Variants in MYRF observed in about 807,000 individuals in gnomAD.
MYRF encodes myelin regulatory factor.
Under a neutral mutation model 126.3 loss-of-function variants are expected in MYRF, and 16 were observed. The observed-to-expected ratio is 0.13, with a 90% CI of 0.09 to 0.19. The LOEUF (loss-of-function observed/expected upper bound fraction) is 0.19. Ranked by LOEUF, MYRF falls within the 10% of genes least tolerant of loss-of-function variation. The probability of loss-of-function intolerance (pLI) is 1.00; values close to 1 mark genes in which losing one functional copy is unlikely to be tolerated. For missense variants in MYRF, 1,104 were observed against 1,547.0 expected (o/e 0.71, Z 4.80); for synonymous variants, 608 against 635.3 (o/e 0.96, Z 0.65).
chr11:61,775,000 C>T (rs1373271787), intron 8 of MYRF, among the ~76,000 whole-genome samples: 2 of 152,188 alleles, frequency 1.3e-5, no homozygotes, highest in East Asian at 1.9e-4. Context: ...TTACCTGAGC[C>T]GCAAATCTGG....
chr11:61,767,443 G>C (rs1251834885), intron 3 of MYRF: 3 of 456,544 alleles, frequency 6.6e-6, no homozygotes, highest in Non-Finnish European at 8.8e-6. Context: ...GAGAGGGAAA[G>C]GGGCTTGTCC....
At position 61,757,159 on chromosome 11, in the gene MYRF, G is replaced by A; in HGVS notation, c.46+4369G>A. 2.2e-6 allele frequency: 1 copy of A among 456,920 alleles called. No individual in the cohort carries two copies. The highest frequency in any genetic ancestry group is 1.5e-5 in the South Asian group (1 of 64,554). The allele number at this position is 456,920 out of a possible 1,614,324, so 28.3% of individuals were successfully genotyped here. A position where few individuals can be genotyped will look rare whatever the true frequency, so the allele number is the denominator to read the frequency against. On this transcript the variant is annotated intron_variant, in intron 1 of 26. Coordinates refer to ENST00000278836, the MANE Select transcript of MYRF (RefSeq NM_001127392.3). This position sits in a 1 kb window ranked among gnomAD's most constrained non-coding sequence, Gnocchi z 4.7. ...CTCATTGCCTTGGGTGCTGGAGTAT[G>A]TGGGGCCTCCTCTCCTATCTCCAGG...
In MYRF at chr11:61,783,377, A is replaced by G; in HGVS notation, c.3017-121A>G. ...GATGCTGGCCATTGTGGAGGTCTGG[A>G]AAAAAATAACCTGGAACTTATTCAT... is the stretch of plus-strand genomic sequence containing the variant. On this transcript the variant is annotated intron_variant, in intron 22 of 26. Transcript: ENST00000278836. The surrounding 1 kb of genome is among the most constrained non-coding windows in gnomAD (Gnocchi z 4.6). 2.6e-6 allele frequency: 2 copies of G among 768,584 alleles called. No individual in the cohort carries two copies. The highest frequency in any genetic ancestry group is 4.4e-6 in the Non-Finnish European group (2 of 450,570). The allele number at this position is 768,584 out of a possible 1,614,324, so 47.6% of individuals were successfully genotyped here.
At position 61,776,348 on chromosome 11, in the gene MYRF, C is replaced by T. The variant is rs1456407054; in HGVS notation, c.1415C>T (p.Thr472Met). 4.3e-6 allele frequency: 7 copies of T among 1,613,278 alleles called. No homozygotes were observed. The highest frequency in any genetic ancestry group is 5.9e-6 in the Non-Finnish European group (7 of 1,179,844). The change falls in exon 10 of 27, where the codon ACG becomes ATG. Residue 472 changes from threonine (T) to methionine (M), a missense_variant. This residue lies in a region of MYRF where 23 missense variants were observed against 26.6 expected (regional missense o/e 0.86). Transcript: ENST00000278836. This position sits in a 1 kb window ranked among gnomAD's most constrained non-coding sequence, Gnocchi z 4.3. The stretch of plus-strand genomic sequence containing the variant: ...GTCAATCTGCCCCCTGAGCAGGTCA[C>T]GAAGGTGACTGTGGGGCGGCTGCAC... ...VTVNLPPEQV[T>M]KVTVGRLHFS...
Position 61,774,156 on chromosome 11 carries a change from A to C in MYRF, c.1305A>C (p.Gly435=). 2.5e-6 allele frequency: 4 copies of C among 1,598,710 alleles called. No individual in the cohort carries two copies. Among genetic ancestry groups the C allele is most frequent in the Non-Finnish European group, 3.4e-6 (4 of 1,168,796 alleles). ...PLDCFYLKLH[G]VKLEALNQSI... ...ACTGCTTCTATCTGAAGCTGCACGG[A>C]GTGAAGGCAAGTTTGGGGCTCAGCA... The change falls in exon 8 of 27, where the codon GGA becomes GGC. Residue 435 remains glycine, a synonymous_variant. Coordinates refer to ENST00000278836, the MANE Select transcript of MYRF (RefSeq NM_001127392.3).
At chr11:61,760,977 A>G (rs993342591) in intron 1 of MYRF, among the ~76,000 whole-genome samples, 1 of 152,196 alleles carries the variant, frequency 6.6e-6, no homozygotes, top group African/African-American at 2.4e-5. Flanking sequence ...GAGGACACTC[A>G]GAGCAACTGG....
Position 61,777,416 on chromosome 11 carries a change from C to T in MYRF, c.1743C>T (p.Gly581=). The T allele has an allele frequency of 2.5e-6, 4 of 1,613,742 alleles. No homozygotes were observed. Among genetic ancestry groups the T allele is most frequent in the Middle Eastern group, 1.6e-4 (1 of 6,062 alleles). The change falls in exon 12 of 27, where the codon GGC becomes GGT. Residue 581 remains glycine, a synonymous_variant. Transcript: ENST00000278836. The surrounding 1 kb of genome is among the most constrained non-coding windows in gnomAD (Gnocchi z 8.8). ...TGCACGGGAATGTCAAGGTCATGGG[C>T]TCGCTTATGCACCCCTCCGACCTGC... is the stretch of plus-strand genomic sequence containing the variant. ...LVVHGNVKVM[G]SLMHPSDLRA... is the part of the protein sequence containing the mutation.
Position 61,771,822 on chromosome 11 carries a change from C to T in MYRF, c.992-7C>T. On this transcript the variant is annotated splice_polypyrimidine_tract_variant and splice_region_variant and intron_variant, in intron 6 of 26. Coordinates refer to ENST00000278836, the MANE Select transcript of MYRF (RefSeq NM_001127392.3). ...GCAGGGCCCACATGGGCGTTCCCTC[C>T]CTCCAGGCCTCCTGCAGGACAGTGA... 6.2e-7 allele frequency: 1 copy of T among 1,614,102 alleles called. No homozygotes were observed.
Position 61,778,432 on chromosome 11 carries a change from C to T in MYRF, c.1956C>T (p.Thr652=), listed in dbSNP as rs750022528. 2.5e-5 allele frequency: 40 copies of T among 1,613,944 alleles called. No individual in the cohort carries two copies. The highest frequency in any genetic ancestry group is 5.0e-5 in the Admixed American group (3 of 60,002). Residue 652 remains threonine, a synonymous_variant, in exon 14 of 27, where the codon ACC becomes ACT. Transcript: ENST00000278836. This position sits in a 1 kb window ranked among gnomAD's most constrained non-coding sequence, Gnocchi z 4.6. ...KEILPEAVKD[T]GDMVFANGKT... ...TCTTGCCTGAGGCTGTGAAAGACACCGGAGACATGGTCTTTGCCAATGGGA... is the reference window on the plus strand; with the variant it reads ...TCTTGCCTGAGGCTGTGAAAGACACTGGAGACATGGTCTTTGCCAATGGGA...
chr11:61,755,648 G>T, intron 1 of MYRF: 1 of 724,792 alleles, frequency 1.4e-6, no homozygotes, highest in Non-Finnish European at 2.5e-6. Context: ...CAAGACAGGA[G>T]GGGGTGGCAG....
Position 61,783,218 on chromosome 11 carries a change from C to T in MYRF, c.3017-280C>T, listed in dbSNP as rs533902010. ...CGCAGTCAGGAACACAGGCCTCGAG[C>T]GGGCTCCTGCACACCTGGCAGGGGA... On this transcript the variant is annotated intron_variant, in intron 22 of 26. Transcript: ENST00000278836. This position sits in a 1 kb window ranked among gnomAD's most constrained non-coding sequence, Gnocchi z 4.6. 21 of 315,702 alleles carry T rather than the reference C, an allele frequency of 6.7e-5. No homozygotes were observed. The highest frequency in any genetic ancestry group is 4.9e-4 in the East Asian group (8 of 16,444). The allele number at this position is 315,702 out of a possible 1,614,324, so 19.6% of individuals were successfully genotyped here. A position where few individuals can be genotyped will look rare whatever the true frequency, so the allele number is the denominator to read the frequency against.
intron 1 of MYRF, among the ~76,000 whole-genome samples, chr11:61,764,255 G>T (rs1280987030): frequency 6.6e-6 from 1 of 152,352 alleles, no homozygotes; most frequent in Non-Finnish European, 1.5e-5. Context: ...GCCAGGGAGG[G>T]GCCTGGGCGG....
intron 8 of MYRF, among the ~76,000 whole-genome samples, chr11:61,774,988 G>T (rs552083484): frequency 5.3e-5 from 8 of 152,088 alleles, no homozygotes; most frequent in African/African-American, 1.9e-4. Flanking sequence ...GCAGGGCCTT[G>T]GTTACCTGAG....
intron 1 of MYRF, among the ~76,000 whole-genome samples, chr11:61,763,152 G>A (rs1026810737): frequency 5.9e-5 from 9 of 152,124 alleles, no homozygotes; most frequent in South Asian, 4.1e-4. Context: ...TGGGGGCGAC[G>A]CTCCAGGTGG....
At chr11:61,761,573 C>T (rs2065903490) in intron 1 of MYRF, among the ~76,000 whole-genome samples, 1 of 152,228 alleles carries the variant, frequency 6.6e-6, no homozygotes, top group African/African-American at 2.4e-5. Flanking sequence ...GGGGCAGGAC[C>T]TGGAGGGGCC....
At position 61,787,843 on chromosome 11, in the gene MYRF, T is replaced by TG. The variant is rs1176896850; in HGVS notation, c.*1705dup. 6.6e-6 allele frequency: 1 copy of TG among 152,620 alleles called. No homozygotes were observed. The allele number at this position is 152,620 out of a possible 1,614,324, so 9.5% of individuals were successfully genotyped here. ...TAATAGGATTCCTGGGCTTCCTCAA[T>TG]GGGGGTTCATGTTCTTGGACTGCGG... On this transcript the variant is annotated 3_prime_UTR_variant, in exon 27 of 27. Transcript: ENST00000278836.
At chr11:61,770,615 T>A in intron 5 of MYRF, 90 bp downstream of exon 5, 2 of 1,307,890 alleles carry the variant, frequency 1.5e-6, no homozygotes, top group Non-Finnish European at 2.1e-6. Context: ...GAGAGGGAGG[T>A]AGGGACCGGG....
chr11:61,776,860 G>C lies in MYRF; in HGVS notation c.1573G>C (p.Glu525Gln), dbSNP rs1335511658. Residue 525 changes from glutamate (E) to glutamine (Q), a missense_variant, in exon 11 of 27, where the codon GAG becomes CAG. Physicochemically the swap from Glu to Gln is conservative, Grantham distance 29. Transcript: ENST00000278836. This position sits in a 1 kb window ranked among gnomAD's most constrained non-coding sequence, Gnocchi z 4.3. ...QNYTLAAQIS[E>Q]RIIVRASNPG... ...CTACACGCTGGCCGCCCAGATCTCAGAGCGCATCATTGTGCGGGTGAGGGC... is the reference window on the plus strand; with the variant it reads ...CTACACGCTGGCCGCCCAGATCTCACAGCGCATCATTGTGCGGGTGAGGGC... The C allele has an allele frequency of 6.2e-7, 1 of 1,607,240 alleles. No homozygotes were observed. Among genetic ancestry groups the C allele is most frequent in the Admixed American group, 1.7e-5 (1 of 59,058 alleles).
chr11:61,779,194 C>A, intron 14 of MYRF, 69 bp from the exon 15 acceptor site: 1 of 1,475,352 alleles, frequency 6.8e-7, no homozygotes, highest in Non-Finnish European at 9.0e-7. Flanking sequence ...TGTCTGGCAG[C>A]CTGGGGCTCC....
Sources: allele counts gnomAD v4.1 joint callset (sites outside exome capture counted in the v4.1 genomes callset), GRCh38; gene constraint gnomAD v4.1.1; regional missense constraint gnomAD v4.1.1; non-coding constraint Gnocchi (gnomAD v3.1); transcripts MANE v1.5; gene names NCBI Gene and HGNC (gene_info 2026-07-23, HGNC 2026-07-21).